Variants in STK32B observed in about 807,000 individuals in gnomAD.
STK32B encodes the protein serine/threonine-protein kinase 32B.
STK32B carries 43 observed loss-of-function variants against 52.6 expected under a neutral mutation model. That is an observed-to-expected ratio of 0.82 (90% CI 0.64 to 1.05). The LOEUF (loss-of-function observed/expected upper bound fraction) is 1.05. Among genes scored for constraint, STK32B ranks in the 50% least tolerant of loss-of-function variants. STK32B has a pLI of 0.00. For synonymous variants in STK32B, 238 were observed against 204.3 expected (o/e 1.17, Z -1.41); for missense variants, 621 against 534.6 (o/e 1.16, Z -1.59).
chr4:5,168,448 G>T lies in STK32B; in HGVS notation c.258G>T (p.Leu86=), dbSNP rs547610851. The T allele has an allele frequency of 6.2e-7, 1 of 1,612,088 alleles. No individual in the cohort carries two copies. Among genetic ancestry groups the T allele is most frequent in the African/African-American group, 1.3e-5 (1 of 74,904 alleles). Reference sequence around the variant, plus strand: ...TGGAGCACCCCTTCCTGGTCAATCTGTGGTGAGTGTGGCTCCATCCAGGGC... The same window carrying T: ...TGGAGCACCCCTTCCTGGTCAATCTTTGGTGAGTGTGGCTCCATCCAGGGC... ...QGLEHPFLVN[L]WYSFQDEEDM... is the part of the protein sequence containing the mutation. Residue 86 remains leucine (L), a splice_region_variant and synonymous_variant, in exon 3 of 12, where the codon CTG becomes CTT. Transcript: ENST00000282908.
chr4:5,477,505 C>T (rs776700367), intron 11 of STK32B, among the ~76,000 whole-genome samples: 3 of 152,142 alleles, frequency 2.0e-5, no homozygotes, highest in Non-Finnish European at 2.9e-5. Flanking sequence ...GCATCCGGAT[C>T]CCCAGATCCC....
chr4:5,219,433 G>A (rs562344079), intron 3 of STK32B, among the ~76,000 whole-genome samples: 151 of 152,394 alleles, frequency 9.9e-4, no homozygotes, highest in Non-Finnish European at 1.9e-3. Flanking sequence ...GAGCCTTGAG[G>A]AAGGTCAAGC....
intron 3 of STK32B, among the ~76,000 whole-genome samples, chr4:5,171,499 G>C (rs183618254): frequency 6.6e-6 from 1 of 152,116 alleles, no homozygotes; most frequent in Non-Finnish European, 1.5e-5. Context: ...GTACAAGGAA[G>C]GTGTCCAGTT....
chr4:5,297,772 C>A (rs1264969499), intron 3 of STK32B, among the ~76,000 whole-genome samples: 2 of 152,000 alleles, frequency 1.3e-5, no homozygotes, highest in African/African-American at 4.8e-5. Context: ...CCTTCTGAAG[C>A]CTACTTCTGT....
Position 5,499,474 on chromosome 4 carries a change from C to G in STK32B, c.*391C>G, listed in dbSNP as rs1421775415. 5.9e-6 allele frequency: 1 copy of G among 170,574 alleles called. No homozygotes were observed. Among genetic ancestry groups the G allele is most frequent in the African/African-American group, 2.4e-5 (1 of 42,350 alleles). 10.6% of individuals were successfully genotyped at this position (170,574 alleles called of 1,614,324 possible). A position where few individuals can be genotyped will look rare whatever the true frequency, so the allele number is the denominator to read the frequency against. On this transcript the variant is annotated 3_prime_UTR_variant, in exon 12 of 12. Coordinates refer to ENST00000282908, the MANE Select transcript of STK32B (RefSeq NM_018401.3). Reference sequence around the variant, plus strand: ...ACCCCCATTCCCCAAAGCAATCAAACCGTCATGACTTTGCAATTTGGCACA... The same window carrying G: ...ACCCCCATTCCCCAAAGCAATCAAAGCGTCATGACTTTGCAATTTGGCACA...
intron 3 of STK32B, among the ~76,000 whole-genome samples, chr4:5,225,282 C>T (rs978933704): frequency 4.6e-5 from 7 of 151,890 alleles, no homozygotes; most frequent in Non-Finnish European, 7.4e-5. Context: ...AGCCAGCTGC[C>T]TATAATCCCA....
chr4:5,497,521 G>A (rs762985562), intron 11 of STK32B, among the ~76,000 whole-genome samples: 1 of 152,188 alleles, frequency 6.6e-6, no homozygotes, highest in African/African-American at 2.4e-5. Context: ...GCCCTACCTG[G>A]AGAGCTGCAA....
chr4:5,357,403 T>A (rs997217392), intron 4 of STK32B, among the ~76,000 whole-genome samples: 3 of 152,014 alleles, frequency 2.0e-5, no homozygotes, highest in Non-Finnish European at 2.9e-5. Flanking sequence ...AGGTGTGTGA[T>A]GACAACTACA....
intron 3 of STK32B, among the ~76,000 whole-genome samples, chr4:5,223,949 G>A (rs550137779): frequency 3.1e-4 from 47 of 152,042 alleles, no homozygotes; most frequent in African/African-American, 7.7e-4. Context: ...GAATGGGAAT[G>A]TCTAGCCTAT....
chr4:5,172,792 AGGCTTTG>A (rs2108742561), intron 3 of STK32B, among the ~76,000 whole-genome samples: 1 of 152,296 alleles, frequency 6.6e-6, no homozygotes, highest in East Asian at 1.9e-4. Context: ...TGTCTCTGCC[AGGCTTTG>A]GTATCAGGAT....
intron 4 of STK32B, among the ~76,000 whole-genome samples, chr4:5,354,308 C>G (rs543356383): frequency 3.2e-4 from 49 of 152,310 alleles, no homozygotes; most frequent in Non-Finnish European, 5.3e-4. Flanking sequence ...CTCTGTGGCC[C>G]AGGCTGGACT....
intron 3 of STK32B, among the ~76,000 whole-genome samples, chr4:5,246,849 GT>G (rs1385765034): frequency 2.6e-5 from 4 of 152,164 alleles, no homozygotes; most frequent in Admixed American, 2.6e-4. Context: ...TTCAGACCCC[GT>G]TTTCCTGGGT....
intron 1 of STK32B, among the ~76,000 whole-genome samples, chr4:5,078,424 A>G (rs1256981848): frequency 6.6e-6 from 1 of 152,206 alleles, no homozygotes; most frequent in Admixed American, 6.5e-5. Context: ...CTGACATGAT[A>G]TGAAAAGAGG....
At chr4:5,319,059 C>T (rs781523175) in intron 3 of STK32B, among the ~76,000 whole-genome samples, 1 of 152,136 alleles carries the variant, frequency 6.6e-6, no homozygotes, top group Non-Finnish European at 1.5e-5. Context: ...CCGCCTTGGC[C>T]TCCCAAAGTG....
chr4:5,260,151 G>A (rs1726613819), intron 3 of STK32B, among the ~76,000 whole-genome samples: 1 of 152,098 alleles, frequency 6.6e-6, no homozygotes, highest in South Asian at 2.1e-4. Flanking sequence ...AGCTTCACGA[G>A]ATTTTCTGCA....
At chr4:5,194,211 G>C (rs1721463435) in intron 3 of STK32B, among the ~76,000 whole-genome samples, 1 of 152,146 alleles carries the variant, frequency 6.6e-6, no homozygotes. Context: ...AGCTTTCTGA[G>C]ACCAATGGTC....
At chr4:5,494,224 G>T (rs942262386) in intron 11 of STK32B, among the ~76,000 whole-genome samples, 8 of 152,128 alleles carry the variant, frequency 5.3e-5, no homozygotes, top group East Asian at 1.9e-4. Context: ...AAGTATCTTT[G>T]TGGGTCACTC....
chr4:5,456,765 A>G (rs200027349), intron 7 of STK32B, 42 bp from the exon 8 acceptor site: 158 of 1,503,546 alleles, frequency 1.1e-4, no homozygotes, highest in African/African-American at 8.4e-4. Flanking sequence ...GTGCCTTCCA[A>G]TGGCTCTCTC....
intron 3 of STK32B, among the ~76,000 whole-genome samples, chr4:5,278,993 A>T (rs1728020545): frequency 6.6e-6 from 1 of 152,164 alleles, no homozygotes; most frequent in Non-Finnish European, 1.5e-5. Context: ...CAACACTGAC[A>T]ATTACAATTT....
Sources: gnomAD v4.1 joint callset for allele counts (sites outside exome capture counted in the v4.1 genomes callset) on GRCh38, gnomAD v4.1.1 for gene constraint, MANE v1.5 for transcripts, NCBI Gene and HGNC (gene_info 2026-07-23, HGNC 2026-07-21) for gene names.